PTPRD: variants seen among roughly 807,000 people sequenced by gnomAD.
PTPRD encodes the protein protein tyrosine phosphatase receptor type D, also known as receptor-type tyrosine-protein phosphatase delta.
Under a neutral mutation model 214.5 loss-of-function variants are expected in PTPRD, and 34 were observed. That is an observed-to-expected ratio of 0.16 (90% confidence interval 0.12 to 0.21). The LOEUF (loss-of-function observed/expected upper bound fraction) is 0.21. Among genes scored for constraint, PTPRD ranks in the 10% least tolerant of loss-of-function variants. PTPRD has a pLI of 1.00. For missense variants in PTPRD, 2,545 were observed against 2,398.7 expected (o/e 1.06, Z -1.27); for synonymous variants, 1,128 against 845.7 (o/e 1.33, Z -5.79).
At chr9:9,408,726 T>A (rs2074386671) in intron 8 of PTPRD, among the ~76,000 whole-genome samples, 1 of 151,918 alleles carries the variant, frequency 6.6e-6, no homozygotes, top group African/African-American at 2.4e-5. Context: ...GTTTTAGATT[T>A]TGGGCTGTTT....
chr9:9,277,920 C>T (rs1279167505), intron 9 of PTPRD, among the ~76,000 whole-genome samples: 1 of 151,274 alleles, frequency 6.6e-6, no homozygotes, highest in Non-Finnish European at 1.5e-5. Flanking sequence ...CAAACCTGAG[C>T]CCAGTGATAA....
At chr9:9,877,903 G>T (rs2067358048) in intron 5 of PTPRD, among the ~76,000 whole-genome samples, 1 of 150,600 alleles carries the variant, frequency 6.6e-6, no homozygotes, top group African/African-American at 2.5e-5. Context: ...ACCCCGGGAG[G>T]TGGAGGTTGC....
intron 2 of PTPRD, among the ~76,000 whole-genome samples, chr9:10,475,252 G>A (rs1016148673): frequency 1.3e-5 from 2 of 151,836 alleles, no homozygotes; most frequent in Non-Finnish European, 2.9e-5. Context: ...GACTAATAAA[G>A]AAGAAAAGGG....
At chr9:10,208,349 C>A (rs1256739087) in intron 3 of PTPRD, among the ~76,000 whole-genome samples, 1 of 152,078 alleles carries the variant, frequency 6.6e-6, no homozygotes, top group Admixed American at 6.5e-5. Context: ...CCCGTCTCTA[C>A]TAAAAATACA....
At chr9:10,204,217 C>T (rs1267624507) in intron 3 of PTPRD, among the ~76,000 whole-genome samples, 2 of 152,080 alleles carry the variant, frequency 1.3e-5, no homozygotes, top group Non-Finnish European at 2.9e-5. Context: ...GTACAGCAAG[C>T]TGTCAGATTT....
intron 9 of PTPRD, among the ~76,000 whole-genome samples, chr9:9,223,171 T>G (rs989640407): frequency 6.6e-6 from 1 of 151,982 alleles, no homozygotes. Context: ...TGGGCAGATA[T>G]TTTTGGAAGG....
In PTPRD at chr9:8,341,874, C is replaced by T. The variant is rs1852771339; in HGVS notation, c.4766G>A (p.Arg1589Lys). Residue 1589 changes from arginine (R) to lysine (K), a missense_variant, in exon 40 of 46, where the codon AGA (arginine) becomes AAA (lysine). Coordinates refer to ENST00000381196, the MANE Select transcript of PTPRD (RefSeq NM_002839.4). ...TTGAACCATATAGTTCCTCTGGGCT[C>T]TCATTAAAGTTACATGGCCATAAAT... ...VDIYGHVTLM[R>K]AQRNYMVQTE... is the part of the protein sequence containing the mutation. 1 of 1,613,438 alleles carries T rather than the reference C, an allele frequency of 6.2e-7. No homozygotes were observed. Among genetic ancestry groups the T allele is most frequent in the Non-Finnish European group, 8.5e-7 (1 of 1,179,650 alleles).
At chr9:8,677,241 T>C (rs984484254) in intron 12 of PTPRD, among the ~76,000 whole-genome samples, 3 of 152,154 alleles carry the variant, frequency 2.0e-5, no homozygotes, top group Non-Finnish European at 2.9e-5. Flanking sequence ...ACAGCATTAT[T>C]CACAATAGCA....
At chr9:10,090,179 T>C (rs2098411932) in intron 3 of PTPRD, among the ~76,000 whole-genome samples, 1 of 151,628 alleles carries the variant, frequency 6.6e-6, no homozygotes, top group South Asian at 2.1e-4. Flanking sequence ...AATCTGCTTA[T>C]TACTTTCCAT....
At chr9:9,593,112 G>T (rs2092913360) in intron 7 of PTPRD, among the ~76,000 whole-genome samples, 1 of 144,014 alleles carries the variant, frequency 6.9e-6, no homozygotes, top group Non-Finnish European at 1.5e-5. Context: ...GAGAGAGAAA[G>T]GAAGGAAGGA....
intron 11 of PTPRD, among the ~76,000 whole-genome samples, chr9:8,856,523 G>A (rs1321254763): frequency 1.3e-5 from 2 of 151,914 alleles, no homozygotes; most frequent in Non-Finnish European, 2.9e-5. Flanking sequence ...CACTGGCACT[G>A]TGTCTTTGCA....
At chr9:8,449,871 G>T (rs760140511) in intron 33 of PTPRD, 34 bp from the exon 34 acceptor site, 3 of 1,597,064 alleles carry the variant, frequency 1.9e-6, no homozygotes, top group Admixed American at 3.4e-5. Flanking sequence ...AAGAAGAAAA[G>T]AAAAATCAAT....
chr9:8,894,260 C>A (rs1448385455), intron 11 of PTPRD, among the ~76,000 whole-genome samples: 2 of 147,750 alleles, frequency 1.4e-5, no homozygotes, highest in Non-Finnish European at 1.5e-5. Context: ...GAGGCTGAGG[C>A]AGGATTATTG....
intron 11 of PTPRD, among the ~76,000 whole-genome samples, chr9:8,972,615 G>A (rs1406739434): frequency 6.6e-6 from 1 of 151,910 alleles, no homozygotes; most frequent in African/African-American, 2.4e-5. Context: ...CAATAACCTT[G>A]ATATTAATAT....
chr9:9,464,368 T>C (rs1410805067), intron 8 of PTPRD, among the ~76,000 whole-genome samples: 1 of 152,190 alleles, frequency 6.6e-6, no homozygotes, highest in Non-Finnish European at 1.5e-5. Flanking sequence ...GTTTGATTAA[T>C]TCTCTTACTA....
chr9:8,924,806 A>G (rs368751818), intron 11 of PTPRD, among the ~76,000 whole-genome samples: 2 of 152,260 alleles, frequency 1.3e-5, no homozygotes, highest in African/African-American at 4.8e-5. Flanking sequence ...GCTAGAACAT[A>G]TATTTCTTGG....
chr9:10,464,322 G>C (rs907996923), intron 2 of PTPRD, among the ~76,000 whole-genome samples: 1 of 152,058 alleles, frequency 6.6e-6, no homozygotes, highest in Non-Finnish European at 1.5e-5. Context: ...TAAATTTGCA[G>C]TGTGCCGAGG....
Position 8,449,716 on chromosome 9 carries a change from G to A in PTPRD, c.3988+9C>T, listed in dbSNP as rs2133453898. On this transcript the variant is annotated intron_variant, in intron 34 of 45. Coordinates refer to ENST00000381196, the MANE Select transcript of PTPRD (RefSeq NM_002839.4). Reference sequence around the variant, plus strand: ...ACTGTGTGTGGATTAGATGTGTGATGCTTCTTACCCGGTGTTTGAAAGTTA... The same window carrying A: ...ACTGTGTGTGGATTAGATGTGTGATACTTCTTACCCGGTGTTTGAAAGTTA... 6.2e-7 allele frequency: 1 copy of A among 1,611,494 alleles called. No homozygotes were observed. The highest frequency in any genetic ancestry group is 8.5e-7 in the Non-Finnish European group (1 of 1,177,694).
At chr9:9,668,153 C>T (rs1029638042) in intron 7 of PTPRD, among the ~76,000 whole-genome samples, 1 of 152,110 alleles carries the variant, frequency 6.6e-6, no homozygotes, top group Non-Finnish European at 1.5e-5. Context: ...CCAGGTCTCA[C>T]TCATGAAAAG....
Sources: allele counts gnomAD v4.1 joint callset (sites outside exome capture counted in the v4.1 genomes callset), GRCh38; gene constraint gnomAD v4.1.1; transcripts MANE v1.5; gene names NCBI Gene and HGNC (gene_info 2026-07-23, HGNC 2026-07-21).